ZNF804A: variants seen among roughly 807,000 people sequenced by gnomAD.
ZNF804A encodes zinc finger protein 804A.
A neutral mutation model predicts 16.5 loss-of-function variants in ZNF804A; 2 were observed. The observed-to-expected ratio is 0.12, with a 90% CI of 0.05 to 0.38. The LOEUF (loss-of-function observed/expected upper bound fraction) is 0.38, where lower values mean the gene tolerates loss of function less well. ZNF804A is among the 10% of genes least tolerant of loss of function. The pLI, the probability that ZNF804A is intolerant of heterozygous loss-of-function variation, is 0.99. For missense variants in ZNF804A, 1,473 were observed against 1,390.7 expected (o/e 1.06, Z -0.94); for synonymous variants, 534 against 489.6 (o/e 1.09, Z -1.20).
chr2:184,771,974 A>G (rs1220247508), intron 1 of ZNF804A, among the ~76,000 whole-genome samples: 3 of 151,974 alleles, frequency 2.0e-5, no homozygotes, highest in Non-Finnish European at 4.4e-5. Context: ...CTTCCTCTCA[A>G]AGGGAGAGGG....
In ZNF804A at chr2:184,922,938, C is replaced by CA. The variant is rs199610885; in HGVS notation, c.256-10664dup. ...TGGTCTGTCTTTTTTATGCCAATAC[C>CA]ATGCCATTTTGGTTACTTTAGCTCT... On this transcript the variant is annotated intron_variant, in intron 2 of 3. Transcript: ENST00000302277. 5.0e-3 allele frequency among the ~76,000 whole-genome samples: 759 copies of CA among 152,110 alleles called. 21 individuals are homozygous for CA. The highest frequency in any genetic ancestry group is 0.021 in the East Asian group (110 of 5,174).
chr2:184,623,608 G>A (rs1691450804), intron 1 of ZNF804A, among the ~76,000 whole-genome samples: 1 of 152,032 alleles, frequency 6.6e-6, no homozygotes, highest in Non-Finnish European at 1.5e-5. Context: ...GCTTTAATAA[G>A]TGACACATGT....
chr2:184,787,397 G>A (rs908039542), intron 1 of ZNF804A, among the ~76,000 whole-genome samples: 16 of 111,240 alleles, frequency 1.4e-4, no homozygotes, highest in Non-Finnish European at 3.1e-4. Context: ...ATGTTGAATA[G>A]TAGTACTATT....
intron 1 of ZNF804A, among the ~76,000 whole-genome samples, chr2:184,709,168 C>G (rs961126180): frequency 6.6e-6 from 1 of 151,980 alleles, no homozygotes; most frequent in Non-Finnish European, 1.5e-5. Flanking sequence ...TTGTACTGCC[C>G]TTTGGGGTAT....
chr2:184,929,631 C>T (rs1339548350), intron 2 of ZNF804A, among the ~76,000 whole-genome samples: 1 of 152,080 alleles, frequency 6.6e-6, no homozygotes, highest in Non-Finnish European at 1.5e-5. Flanking sequence ...ATCTGTACTT[C>T]TTGGAATAAA....
intron 2 of ZNF804A, among the ~76,000 whole-genome samples, chr2:184,892,034 A>G (rs1167689394): frequency 6.6e-6 from 1 of 152,216 alleles, no homozygotes; most frequent in Non-Finnish European, 1.5e-5. Flanking sequence ...CCTATTTGAC[A>G]GTTTACTACT....
At chr2:184,880,710 C>A (rs1684797487) in intron 2 of ZNF804A, among the ~76,000 whole-genome samples, 1 of 151,904 alleles carries the variant, frequency 6.6e-6, no homozygotes, top group South Asian at 2.1e-4. Flanking sequence ...TGTCTGGAAG[C>A]AGGGAAGTTC....
chr2:184,636,185 A>G (rs1386312698), intron 1 of ZNF804A, among the ~76,000 whole-genome samples: 1 of 152,124 alleles, frequency 6.6e-6, no homozygotes, highest in East Asian at 1.9e-4. Flanking sequence ...AAAGACTGAA[A>G]AATTATGCCT....
At chr2:184,656,277 T>G (rs1692071799) in intron 1 of ZNF804A, among the ~76,000 whole-genome samples, 1 of 152,156 alleles carries the variant, frequency 6.6e-6, no homozygotes, top group Non-Finnish European at 1.5e-5. Flanking sequence ...CTCTACAGTA[T>G]GCACGCAATA....
chr2:184,893,106 AT>A (rs1408584894), intron 2 of ZNF804A, among the ~76,000 whole-genome samples: 3 of 152,086 alleles, frequency 2.0e-5, no homozygotes, highest in Non-Finnish European at 4.4e-5. Flanking sequence ...TTAATGTTTT[AT>A]TTTCAATTTA....
At chr2:184,691,259 A>C (rs1692720503) in intron 1 of ZNF804A, among the ~76,000 whole-genome samples, 1 of 151,954 alleles carries the variant, frequency 6.6e-6, no homozygotes, top group African/African-American at 2.4e-5. Context: ...TCAGCAAAAA[A>C]CCTTCAAAAA....
At chr2:184,762,271 C>A (rs1025373419) in intron 1 of ZNF804A, among the ~76,000 whole-genome samples, 10 of 150,550 alleles carry the variant, frequency 6.6e-5, no homozygotes, top group South Asian at 6.3e-4. Context: ...CAAGCACCTA[C>A]TATTTACTAA....
At position 184,805,282 on chromosome 2, in the gene ZNF804A, T is replaced by G. The variant is rs140583467; in HGVS notation, c.112-61087T>G. Among the ~76,000 whole-genome samples, 382 of 152,280 alleles carry G rather than the reference T, an allele frequency of 2.5e-3. 1 individual carries two copies. Among genetic ancestry groups the G allele is most frequent in the Middle Eastern group, 6.8e-3 (2 of 294 alleles). On this transcript the variant is annotated intron_variant, in intron 1 of 3. Transcript: ENST00000302277. ...GGTGTGAAATATCTGTATCTCTGTG[T>G]TCATAACATTCTTAAGATATCTTAA...
At chr2:184,906,932 A>C (rs911035722) in intron 2 of ZNF804A, among the ~76,000 whole-genome samples, 1 of 152,178 alleles carries the variant, frequency 6.6e-6, no homozygotes, top group Non-Finnish European at 1.5e-5. Flanking sequence ...GGAAGGAGCA[A>C]CATAACAAAG....
intron 1 of ZNF804A, among the ~76,000 whole-genome samples, chr2:184,623,989 C>G (rs746532228): frequency 1.9e-4 from 29 of 152,132 alleles, no homozygotes; most frequent in Admixed American, 4.6e-4. Flanking sequence ...CTTATTTAAA[C>G]AATTAGTCAG....
chr2:184,599,129 T>G, intron 1 of ZNF804A, 59 bp downstream of exon 1: 1 of 1,352,202 alleles, frequency 7.4e-7, no homozygotes, highest in South Asian at 1.2e-5. Flanking sequence ...TTTGGAAGAT[T>G]GAGTTTTTGG....
At chr2:184,659,299 A>T (rs1692129164) in intron 1 of ZNF804A, among the ~76,000 whole-genome samples, 1 of 152,124 alleles carries the variant, frequency 6.6e-6, no homozygotes, top group African/African-American at 2.4e-5. Flanking sequence ...TGTCATATAT[A>T]GTCTGGCCAC....
At chr2:184,778,574 C>T (rs532276459) in intron 1 of ZNF804A, among the ~76,000 whole-genome samples, 53 of 151,736 alleles carry the variant, frequency 3.5e-4, no homozygotes, top group African/African-American at 1.3e-3. Context: ...TACTTTTAAA[C>T]ATCTCAACAT....
intron 1 of ZNF804A, among the ~76,000 whole-genome samples, chr2:184,672,241 C>T (rs1184908549): frequency 2.0e-5 from 3 of 152,084 alleles, no homozygotes; most frequent in Non-Finnish European, 2.9e-5. Context: ...GTTTTATGCT[C>T]TATGGTCCTA....
Sources: allele counts gnomAD v4.1 joint callset (sites outside exome capture counted in the v4.1 genomes callset), GRCh38; gene constraint gnomAD v4.1.1; transcripts MANE v1.5; gene names NCBI Gene and HGNC (gene_info 2026-07-23, HGNC 2026-07-21).